Variants in COL8A2 observed in about 807,000 individuals in gnomAD.
The protein encoded by COL8A2 is collagen alpha-2(VIII) chain.
COL8A2 carries 16 observed loss-of-function variants against 24.0 expected under a neutral mutation model. That is an observed-to-expected ratio of 0.67 (90% CI 0.45 to 1.01). The LOEUF is 1.01. COL8A2 is among the 50% of genes least tolerant of loss of function. COL8A2 has a pLI of 0.00. For synonymous variants in COL8A2, 466 were observed against 424.5 expected (o/e 1.10, Z -1.20); for missense variants, 818 against 942.4 (o/e 0.87, Z 1.73).
intron 2 of COL8A2, among the ~76,000 whole-genome samples, chr1:36,113,728 C>T (rs932024390): frequency 1.3e-4 from 20 of 152,346 alleles, no homozygotes; most frequent in African/African-American, 4.6e-4. Flanking sequence ...CTGCCACCTG[C>T]CCACCTGGTC....
rs540236647 is a variant in COL8A2 at position 36,103,879 on chromosome 1, C to A, written c.-16-3621G>T. On this transcript the variant is annotated intron_variant, in intron 2 of 3. Transcript: ENST00000397799. ...GATTACAGACGTAAGCCACCACACC[C>A]AGCCCCCACCTGTTATTTTTTTAAA... Among the ~76,000 whole-genome samples, 11 of 152,098 alleles carry A rather than the reference C, an allele frequency of 7.2e-5. No individual in the cohort carries two copies. The South Asian group carries it at 2.3e-3, about 32-fold the overall frequency.
Position 36,115,674 on chromosome 1 carries a change from A to G in COL8A2, c.-17+34T>C. 1.0e-6 allele frequency: 1 copy of G among 982,114 alleles called. No individual in the cohort carries two copies. Among genetic ancestry groups the G allele is most frequent in the African/African-American group, 1.7e-5 (1 of 57,220 alleles). 60.8% of individuals were successfully genotyped at this position (982,114 alleles called of 1,614,324 possible). On this transcript the variant is annotated intron_variant, in intron 2 of 3. Coordinates refer to ENST00000397799, the MANE Select transcript of COL8A2 (RefSeq NM_005202.4). This position sits in a 1 kb window ranked among gnomAD's most constrained non-coding sequence, Gnocchi z 5.7. ...GAACACAGGCCTCATCTGGCCTGAGATATCAGAAAACCCCATCCCCAAACC... is the reference window on the plus strand; with the variant it reads ...GAACACAGGCCTCATCTGGCCTGAGGTATCAGAAAACCCCATCCCCAAACC...
rs1466089279 is a variant in COL8A2 at position 36,095,308 on chromosome 1, G to A, written c.*2261C>T. The A allele has an allele frequency of 2.0e-5, 3 of 152,144 alleles. No individual in the cohort carries two copies. Among genetic ancestry groups the A allele is most frequent in the African/African-American group, 7.2e-5 (3 of 41,410 alleles). 9.4% of individuals were successfully genotyped at this position (152,144 alleles called of 1,614,324 possible). ...ACATGGTTGCTTGTCTTTTCAAAAA[G>A]AAGTTCCATTTTCTTTGATTCCCAA... On this transcript the variant is annotated 3_prime_UTR_variant, in exon 4 of 4. Coordinates refer to ENST00000397799, the MANE Select transcript of COL8A2 (RefSeq NM_005202.4).
chr1:36,109,387 GCCCT>G (rs1643806962), intron 2 of COL8A2, among the ~76,000 whole-genome samples: 1 of 151,958 alleles, frequency 6.6e-6, no homozygotes, highest in South Asian at 2.1e-4. Context: ...TCTGGCTCAG[GCCCT>G]CCCTATCAGG....
At chr1:36,119,662 G>A (rs1010086559) in intron 1 of COL8A2, among the ~76,000 whole-genome samples, 4 of 152,204 alleles carry the variant, frequency 2.6e-5, no homozygotes, top group South Asian at 4.1e-4. Context: ...GTGGCCTGGA[G>A]TGCCCACGCA....
rs1643626595 is a variant in COL8A2 at position 36,099,001 on chromosome 1, G to A, written c.680C>T (p.Pro227Leu). The change falls in exon 4 of 4, where the codon CCC becomes CTC. Residue 227 changes from proline to leucine, a missense_variant. This residue lies in a region of COL8A2 where 573 missense variants were observed against 616.8 expected (regional missense o/e 0.93). Transcript: ENST00000397799. ...GAPGQGGAPG[P>L]PGLPGPAGLG... ...GCCAGCTGGACCAGGGAGGCCGGGG[G>A]GGCCGGGGGCACCCCCCTGCCCTGG... is the stretch of plus-strand genomic sequence containing the variant. The A allele has an allele frequency of 4.4e-6, 7 of 1,590,110 alleles. No homozygotes were observed. Among genetic ancestry groups the A allele is most frequent in the African/African-American group, 2.7e-5 (2 of 73,740 alleles).
At chr1:36,117,321 C>A (rs1201328536) in intron 1 of COL8A2, among the ~76,000 whole-genome samples, 2 of 152,238 alleles carry the variant, frequency 1.3e-5, no homozygotes, top group African/African-American at 4.8e-5. Context: ...GCCCCAGCTT[C>A]TCCGGCCCCA....
chr1:36,109,401 G>C (rs1009544791), intron 2 of COL8A2, among the ~76,000 whole-genome samples: 1 of 151,956 alleles, frequency 6.6e-6, no homozygotes, highest in Non-Finnish European at 1.5e-5. Context: ...TCCCTATCAG[G>C]GACCCATCCC....
At chr1:36,102,148 G>A (rs1381262816) in intron 2 of COL8A2, among the ~76,000 whole-genome samples, 1 of 152,200 alleles carries the variant, frequency 6.6e-6, no homozygotes, top group Non-Finnish European at 1.5e-5. Flanking sequence ...CTGGGTGACA[G>A]AGGGAGACCT....
In COL8A2 at chr1:36,099,247, T is replaced by TC; in HGVS notation, c.433dup (p.Glu145GlyfsTer57). ...GCCCTGGTCCCCTCGTATTCCTGGC[T>TC]CCCCCCGAAGCCCCGGCTGCCCTGG... On this transcript the variant is annotated frameshift_variant, in exon 4 of 4. Transcript: ENST00000397799. LOFTEE classifies it low-confidence loss of function (END_TRUNC). 6.5e-7 allele frequency: 1 copy of TC among 1,546,304 alleles called. No individual in the cohort carries two copies. The highest frequency in any genetic ancestry group is 8.7e-7 in the Non-Finnish European group (1 of 1,145,508).
intron 1 of COL8A2, among the ~76,000 whole-genome samples, chr1:36,117,656 T>C (rs1171146726): frequency 6.6e-6 from 1 of 152,204 alleles, no homozygotes; most frequent in Non-Finnish European, 1.5e-5. Context: ...GTATTTCATC[T>C]TCCCTTTTTA....
intron 2 of COL8A2, among the ~76,000 whole-genome samples, chr1:36,104,065 G>GC (rs2124084061): frequency 6.6e-6 from 1 of 152,006 alleles, no homozygotes; most frequent in South Asian, 2.1e-4. Flanking sequence ...GTGGCAGCAG[G>GC]CACCTGTGAT....
At chr1:36,099,993 C>A in intron 3 of COL8A2, 57 bp downstream of exon 3, 1 of 1,528,324 alleles carries the variant, frequency 6.5e-7, no homozygotes, top group Non-Finnish European at 9.1e-7. Flanking sequence ...CTCAGGGAGG[C>A]AGGGGATTTG....
chr1:36,111,658 C>T (rs1432268067), intron 2 of COL8A2, among the ~76,000 whole-genome samples: 2 of 152,216 alleles, frequency 1.3e-5, no homozygotes, highest in East Asian at 1.9e-4. Context: ...TCAAGCCATC[C>T]TCTTGTCTCA....
At chr1:36,105,053 T>C (rs1643738798) in intron 2 of COL8A2, among the ~76,000 whole-genome samples, 1 of 152,092 alleles carries the variant, frequency 6.6e-6, no homozygotes, top group Non-Finnish European at 1.5e-5. Flanking sequence ...GAGGGTGGGT[T>C]GTGGGCGTCT....
rs1643819069 is a variant in COL8A2, at chr1:36,110,135, T to C, written c.-17+5573A>G. Among the ~76,000 whole-genome samples the C allele has an allele frequency of 1.3e-5, 2 of 151,544 alleles. 1 individual carries two copies. The highest frequency in any genetic ancestry group is 4.9e-5 in the African/African-American group (2 of 41,218). On this transcript the variant is annotated intron_variant, in intron 2 of 3. Coordinates refer to ENST00000397799, the MANE Select transcript of COL8A2 (RefSeq NM_005202.4). ...TTTTAGTAGAGAGGGAGTTTCACCATGTTAGCCAGGATTGTCTCGATCTCC... is the reference window on the plus strand; with the variant it reads ...TTTTAGTAGAGAGGGAGTTTCACCACGTTAGCCAGGATTGTCTCGATCTCC...
At chr1:36,104,352 C>T (rs1643724246) in intron 2 of COL8A2, among the ~76,000 whole-genome samples, 1 of 151,462 alleles carries the variant, frequency 6.6e-6, no homozygotes, top group Admixed American at 6.6e-5. Flanking sequence ...ATTAGCTGGG[C>T]GTGGTGGCAT....
chr1:36,099,818 A>C (rs980429715), intron 3 of COL8A2, among the ~76,000 whole-genome samples: 1 of 152,178 alleles, frequency 6.6e-6, no homozygotes, highest in African/African-American at 2.4e-5. Context: ...CCGTGGGAGC[A>C]GAGCCCCACC....
At chr1:36,122,623 G>C (rs1360923268) in intron 1 of COL8A2, among the ~76,000 whole-genome samples, 1 of 151,864 alleles carries the variant, frequency 6.6e-6, no homozygotes, top group East Asian at 1.9e-4. Flanking sequence ...TCGCCAACCG[G>C]CTTACTCCTT....
Sources: gnomAD v4.1 joint callset for allele counts (sites outside exome capture counted in the v4.1 genomes callset) on GRCh38, gnomAD v4.1.1 for gene constraint, gnomAD v4.1.1 regional missense constraint, Gnocchi (gnomAD v3.1) non-coding constraint, MANE v1.5 for transcripts, NCBI Gene and HGNC (gene_info 2026-07-23, HGNC 2026-07-21) for gene names.